GRIK1: variants seen among roughly 807,000 people sequenced by gnomAD.
GRIK1 encodes the protein glutamate ionotropic receptor kainate type subunit 1.
In GRIK1, 69 loss-of-function variants were observed where a neutral mutation model predicts 105.7. That is an observed-to-expected ratio of 0.65 (90% CI 0.54 to 0.80). The LOEUF (loss-of-function observed/expected upper bound fraction) is 0.80, where lower values mean the gene tolerates loss of function less well. GRIK1 is among the 30% of genes least tolerant of loss of function. GRIK1 has a pLI of 0.00. For missense variants in GRIK1, 1,109 were observed against 1,167.3 expected, an observed-to-expected ratio of 0.95 and a Z score of 0.73; for synonymous variants, 438 against 431.3, an observed-to-expected ratio of 1.02 and a Z score of -0.19.
At chr21:29,812,224 C>T (rs188695930) in intron 1 of GRIK1, among the ~76,000 whole-genome samples, 2 of 152,232 alleles carry the variant, frequency 1.3e-5, no homozygotes, top group East Asian at 3.9e-4. Flanking sequence ...TCTGGAGTAG[C>T]ACCAGGCACA....
chr21:29,574,465 C>T (rs1001591991), intron 14 of GRIK1, among the ~76,000 whole-genome samples: 4 of 152,166 alleles, frequency 2.6e-5, no homozygotes, highest in Non-Finnish European at 5.9e-5. Context: ...GCCAGTGCCC[C>T]TCTGTCCTGT....
At chr21:29,830,725 T>G (rs1344754438) in intron 1 of GRIK1, among the ~76,000 whole-genome samples, 2 of 152,154 alleles carry the variant, frequency 1.3e-5, no homozygotes, top group East Asian at 1.9e-4. Context: ...TCATAAAATT[T>G]ACTGCTATAG....
chr21:29,649,731 T>G (rs1019262025), intron 6 of GRIK1, among the ~76,000 whole-genome samples: 1 of 152,246 alleles, frequency 6.6e-6, no homozygotes, highest in Non-Finnish European at 1.5e-5. Context: ...GCCATACTTG[T>G]GATGAATATT....
chr21:29,580,065 G>A (rs926324098), intron 13 of GRIK1, among the ~76,000 whole-genome samples: 5 of 139,996 alleles, frequency 3.6e-5, no homozygotes, highest in Non-Finnish European at 6.0e-5. Context: ...ATATATATAT[G>A]TGTATATATA....
chr21:29,609,534 G>A (rs972804230), intron 7 of GRIK1, among the ~76,000 whole-genome samples: 2 of 152,148 alleles, frequency 1.3e-5, no homozygotes, highest in African/African-American at 4.8e-5. Flanking sequence ...ATTTGAATTG[G>A]GGGGCCCAAT....
At chr21:29,867,938 G>GAGAGAA (rs2068877244) in intron 1 of GRIK1, among the ~76,000 whole-genome samples, 1 of 104,408 alleles carries the variant, frequency 9.6e-6, no homozygotes, top group African/African-American at 4.3e-5. Context: ...GAGAGAGAAA[G>GAGAGAA]AGAGAGAGAA....
intron 7 of GRIK1, among the ~76,000 whole-genome samples, chr21:29,626,471 A>G (rs1025952821): frequency 6.6e-6 from 1 of 152,192 alleles, no homozygotes; most frequent in Non-Finnish European, 1.5e-5. Flanking sequence ...AGATGAACAC[A>G]TGAAGAAAAC....
At chr21:29,925,780 C>T (rs186160134) in intron 1 of GRIK1, among the ~76,000 whole-genome samples, 11 of 152,286 alleles carry the variant, frequency 7.2e-5, no homozygotes, top group Non-Finnish European at 1.6e-4. Context: ...CTCAAAGTCC[C>T]AAATGGTGGG....
At chr21:29,743,024 T>C (rs1332715871) in intron 1 of GRIK1, among the ~76,000 whole-genome samples, 1 of 152,084 alleles carries the variant, frequency 6.6e-6, no homozygotes, top group African/African-American at 2.4e-5. Context: ...TGGATGGGGC[T>C]AGTCCCTTCC....
chr21:29,869,711 C>A (rs1235434124), intron 1 of GRIK1, among the ~76,000 whole-genome samples: 1 of 152,086 alleles, frequency 6.6e-6, no homozygotes, highest in Non-Finnish European at 1.5e-5. Context: ...TCTATATGGA[C>A]ATATAAAATA....
intron 3 of GRIK1, among the ~76,000 whole-genome samples, chr21:29,686,613 G>A (rs972742231): frequency 2.0e-5 from 3 of 152,194 alleles, no homozygotes; most frequent in African/African-American, 7.2e-5. Flanking sequence ...AGGTTTATTG[G>A]AACACACTGG....
chr21:29,709,277 T>TC (rs1270994494), intron 1 of GRIK1, among the ~76,000 whole-genome samples: 1 of 148,858 alleles, frequency 6.7e-6, no homozygotes, highest in Non-Finnish European at 1.5e-5. Flanking sequence ...TTACTCTTCT[T>TC]CTTTTTTTTT....
intron 1 of GRIK1, among the ~76,000 whole-genome samples, chr21:29,788,258 G>A (rs1395728269): frequency 2.0e-5 from 3 of 152,214 alleles, no homozygotes; most frequent in Non-Finnish European, 2.9e-5. Context: ...GAATTGTTAT[G>A]AGAGTGATTG....
intron 1 of GRIK1, among the ~76,000 whole-genome samples, chr21:29,797,613 T>C (rs2066594461): frequency 6.6e-6 from 1 of 152,230 alleles, no homozygotes; most frequent in African/African-American, 2.4e-5. Flanking sequence ...ATGACATATA[T>C]GTAATTAGTT....
intron 14 of GRIK1, among the ~76,000 whole-genome samples, chr21:29,575,015 A>G (rs1473108032): frequency 6.6e-6 from 1 of 152,156 alleles, no homozygotes; most frequent in African/African-American, 2.4e-5. Flanking sequence ...TACACTTCTT[A>G]AAATAAAAAG....
rs564644489 is a variant in GRIK1 at position 29,629,592 on chromosome 21, C to T, written c.1098+13234G>A. 5.3e-5 allele frequency among the ~76,000 whole-genome samples: 8 copies of T among 151,798 alleles called. No homozygotes were observed. The East Asian group carries it at 1.6e-3, about 29-fold the overall frequency. On this transcript the variant is annotated intron_variant, in intron 7 of 17. Transcript: ENST00000327783. ...GCAAACTCCGCCTCCCAGGTTCAAG[C>T]GATTCTCCTGCCTCAGCATCCGGAG...
chr21:29,752,697 T>C (rs997317988), intron 1 of GRIK1, among the ~76,000 whole-genome samples: 2 of 151,868 alleles, frequency 1.3e-5, no homozygotes, highest in Non-Finnish European at 2.9e-5. Flanking sequence ...AATTAGTGAG[T>C]GTGGTGGCAT....
intron 7 of GRIK1, among the ~76,000 whole-genome samples, chr21:29,621,871 TA>T (rs2062011934): frequency 6.6e-6 from 1 of 152,220 alleles, no homozygotes; most frequent in South Asian, 2.1e-4. Flanking sequence ...ATGGATTCTC[TA>T]ATTCCTTAAA....
intron 1 of GRIK1, among the ~76,000 whole-genome samples, chr21:29,775,153 C>T (rs1439583620): frequency 6.6e-6 from 1 of 151,692 alleles, no homozygotes; most frequent in Non-Finnish European, 1.5e-5. Context: ...CCCGTCTCTA[C>T]TGAAAATACA....
Sources: allele counts gnomAD v4.1 joint callset (sites outside exome capture counted in the v4.1 genomes callset), GRCh38; gene constraint gnomAD v4.1.1; transcripts MANE v1.5; gene names NCBI Gene and HGNC (gene_info 2026-07-23, HGNC 2026-07-21).